Variants in VEPH1 observed in about 807,000 individuals in gnomAD.
VEPH1 encodes ventricular zone-expressed PH domain-containing protein homolog 1.
In VEPH1, 80 loss-of-function variants were observed where a neutral mutation model predicts 85.2. That is an observed-to-expected ratio of 0.94 (90% CI 0.78 to 1.13). The LOEUF is 1.13. VEPH1 is among the 50% of genes most tolerant of loss of function. VEPH1 has a pLI of 0.00. For synonymous variants in VEPH1, 297 were observed against 348.0 expected, an observed-to-expected ratio of 0.85 and a Z score of 1.63; for missense variants, 955 against 980.5, an observed-to-expected ratio of 0.97 and a Z score of 0.35.
intron 9 of VEPH1, among the ~76,000 whole-genome samples, chr3:157,336,500 A>G (rs1171995763): frequency 6.6e-6 from 1 of 152,220 alleles, no homozygotes; most frequent in Non-Finnish European, 1.5e-5. Context: ...ACACTCTTGC[A>G]TCTGCTTCAC....
At chr3:157,473,013 C>A (rs961245971) in intron 2 of VEPH1, among the ~76,000 whole-genome samples, 216 of 140,142 alleles carry the variant, frequency 1.5e-3, no homozygotes, top group African/African-American at 5.4e-3. Flanking sequence ...TTGTTGTTAA[C>A]AAAATATTTT....
chr3:157,293,044 T>TGAGCAAAACA (rs1717715229), intron 11 of VEPH1, among the ~76,000 whole-genome samples: 1 of 151,204 alleles, frequency 6.6e-6, no homozygotes, highest in Non-Finnish European at 1.5e-5. Context: ...ACAGGTAGAC[T>TGAGCAAAACA]GGTCACAAGA....
At chr3:157,359,671 C>G (rs542647387) in intron 9 of VEPH1, among the ~76,000 whole-genome samples, 1 of 152,300 alleles carries the variant, frequency 6.6e-6, no homozygotes, top group South Asian at 2.1e-4. Flanking sequence ...ATTTGTGACC[C>G]TGATTCAACT....
At position 157,466,577 on chromosome 3, in the gene VEPH1, G is replaced by A. The variant is rs905589680; in HGVS notation, c.354+3737C>T. ...CATTTTTAACTTTCATAATAGTCCC[G>A]AGCAGGAGGTGTTGTTATCCCAATT... On this transcript the variant is annotated intron_variant, in intron 3 of 13. Transcript: ENST00000362010. 1.2e-4 allele frequency among the ~76,000 whole-genome samples: 18 copies of A among 152,228 alleles called. No homozygotes were observed. In the East Asian group the frequency reaches 1.5e-3, roughly 13 times the overall value.
chr3:157,482,156 T>C (rs1388906789), intron 2 of VEPH1, among the ~76,000 whole-genome samples: 4 of 152,204 alleles, frequency 2.6e-5, no homozygotes. Context: ...GTATTTTGAC[T>C]CTTTTTTGGT....
At chr3:157,311,973 T>G (rs76926894) in intron 11 of VEPH1, among the ~76,000 whole-genome samples, 5 of 152,360 alleles carry the variant, frequency 3.3e-5, no homozygotes, top group Admixed American at 1.3e-4. Flanking sequence ...TCGTTTCATA[T>G]GTCTTTAGTG....
chr3:157,307,244 A>G (rs1173535989), intron 11 of VEPH1, among the ~76,000 whole-genome samples: 1 of 151,954 alleles, frequency 6.6e-6, no homozygotes, highest in African/African-American at 2.4e-5. Flanking sequence ...CTAAACAGGT[A>G]TACCTATTTT....
chr3:157,295,488 A>G (rs1174282471), intron 11 of VEPH1, among the ~76,000 whole-genome samples: 2 of 152,156 alleles, frequency 1.3e-5, no homozygotes, highest in Non-Finnish European at 2.9e-5. Context: ...ACTACTTTGT[A>G]TAGTTACAGA....
At chr3:157,291,433 T>C (rs1407943612) in intron 11 of VEPH1, among the ~76,000 whole-genome samples, 1 of 152,222 alleles carries the variant, frequency 6.6e-6, no homozygotes, top group Non-Finnish European at 1.5e-5. Context: ...TTAAAGAATA[T>C]CCATGCCACA....
At chr3:157,456,423 ATCT>A (rs1735387659) in intron 4 of VEPH1, among the ~76,000 whole-genome samples, 2 of 151,912 alleles carry the variant, frequency 1.3e-5, no homozygotes, top group South Asian at 2.1e-4. Flanking sequence ...TGCTTTTGGT[ATCT>A]TCTTCATGAA....
intron 9 of VEPH1, among the ~76,000 whole-genome samples, chr3:157,337,514 A>G (rs1337122195): frequency 6.6e-6 from 1 of 152,214 alleles, no homozygotes; most frequent in African/African-American, 2.4e-5. Flanking sequence ...TAAGGTCAAA[A>G]TATTTTCCAA....
chr3:157,338,534 A>G (rs925036045), intron 9 of VEPH1, among the ~76,000 whole-genome samples: 15 of 152,176 alleles, frequency 9.9e-5, no homozygotes, highest in South Asian at 2.1e-4. Flanking sequence ...CACTAATTCT[A>G]TGTTTTCTTC....
chr3:157,271,674 C>G (rs1357336842), intron 12 of VEPH1, among the ~76,000 whole-genome samples: 2 of 152,164 alleles, frequency 1.3e-5, no homozygotes, highest in East Asian at 1.9e-4. Flanking sequence ...ACTGGTGTCC[C>G]CAGTGGTGGA....
At chr3:157,422,130 C>T (rs747207150) in intron 5 of VEPH1, among the ~76,000 whole-genome samples, 2 of 152,142 alleles carry the variant, frequency 1.3e-5, no homozygotes, top group African/African-American at 4.8e-5. Flanking sequence ...TGGAATTAGA[C>T]TGGGTTTGTG....
chr3:157,261,531 T>C (rs551363078), intron 13 of VEPH1, among the ~76,000 whole-genome samples, 161 bp from the exon 14 acceptor site: 2 of 152,268 alleles, frequency 1.3e-5, no homozygotes, highest in East Asian at 3.9e-4. Context: ...TTAGAATAAC[T>C]GAAGGAGTGA....
In VEPH1 at chr3:157,290,346, C is replaced by T. The variant is rs1228839960; in HGVS notation, c.2011-3672G>A. Reference sequence around the variant, plus strand: ...AGCCTAGCCAATACCTTGACTGTAGCCCTGTGAGACCCTGAATGGAGGACC... The same window carrying T: ...AGCCTAGCCAATACCTTGACTGTAGTCCTGTGAGACCCTGAATGGAGGACC... On this transcript the variant is annotated intron_variant, in intron 11 of 13. Transcript: ENST00000362010. Among the ~76,000 whole-genome samples, 3 of 152,140 alleles carry T rather than the reference C, an allele frequency of 2.0e-5. No individual in the cohort carries two copies. The East Asian group carries it at 5.8e-4, about 29-fold the overall frequency.
chr3:157,359,761 C>T (rs1034313533), intron 9 of VEPH1, among the ~76,000 whole-genome samples: 3 of 152,130 alleles, frequency 2.0e-5, no homozygotes, highest in African/African-American at 7.2e-5. Flanking sequence ...TATGTGGAAC[C>T]ATATGAAATT....
chr3:157,414,253 T>G (rs1731734866), intron 5 of VEPH1, among the ~76,000 whole-genome samples, 163 bp from the exon 6 acceptor site: 4 of 152,190 alleles, frequency 2.6e-5, no homozygotes, highest in Non-Finnish European at 5.9e-5. Flanking sequence ...CTCCCAAGTT[T>G]AGAATTTAAA....
At chr3:157,281,778 C>T (rs1244612086) in intron 12 of VEPH1, among the ~76,000 whole-genome samples, 2 of 152,104 alleles carry the variant, frequency 1.3e-5, no homozygotes, top group Admixed American at 6.5e-5. Flanking sequence ...CCTTGTGATC[C>T]GCCTGCCTCG....
Sources: allele counts gnomAD v4.1 joint callset (sites outside exome capture counted in the v4.1 genomes callset), GRCh38; gene constraint gnomAD v4.1.1; transcripts MANE v1.5; gene names NCBI Gene and HGNC (gene_info 2026-07-23, HGNC 2026-07-21).